XCR1: variants seen among roughly 807,000 people sequenced by gnomAD.
The protein encoded by XCR1 is X-C motif chemokine receptor 1.
For missense variants in XCR1, 356 were observed against 424.2 expected (o/e 0.84, Z 1.41); for synonymous variants, 187 against 188.5 (o/e 0.99, Z 0.06).
chr3:46,050,856 G>A (rs1474425598), intron 5 of XCR1, among the ~76,000 whole-genome samples: 3 of 152,268 alleles, frequency 2.0e-5, no homozygotes, highest in South Asian at 2.1e-4. Flanking sequence ...GCTGTAATGC[G>A]CCCATCGGTT....
rs115575240 is a variant in XCR1, at chr3:46,074,458, T to A, written c.-263+193A>T. Among the ~76,000 whole-genome samples the A allele has an allele frequency of 3.6e-3, 553 of 152,086 alleles. 4 individuals carry two copies. Among genetic ancestry groups the A allele is most frequent in the African/African-American group, 0.012 (509 of 41,494 alleles). ...ATGTGGAGTAATACACACTGGAGACTCAGAAGAACGGGAGGTAGTGGTGGG... is the reference window on the plus strand; with the variant it reads ...ATGTGGAGTAATACACACTGGAGACACAGAAGAACGGGAGGTAGTGGTGGG... On this transcript the variant is annotated intron_variant, in intron 3 of 5. Transcript: ENST00000683768.
At chr3:46,044,784 T>G (rs1156694762) in intron 5 of XCR1, among the ~76,000 whole-genome samples, 2 of 152,092 alleles carry the variant, frequency 1.3e-5, no homozygotes, top group Non-Finnish European at 2.9e-5. Flanking sequence ...AAATACAAAC[T>G]ACCAAAACTC....
intron 5 of XCR1, among the ~76,000 whole-genome samples, chr3:46,037,555 T>A (rs1264038411): frequency 6.6e-6 from 1 of 152,206 alleles, no homozygotes; most frequent in East Asian, 1.9e-4. Context: ...GTATCATAGA[T>A]GGTCTATGTA....
In XCR1 at chr3:46,020,938, C is replaced by T. The variant is rs201819667; in HGVS notation, c.*8G>A. On this transcript the variant is annotated 3_prime_UTR_variant, in exon 2 of 2. Coordinates refer to ENST00000309285, the MANE Select transcript of XCR1 (RefSeq NM_001024644.2). ...ACCTGCACCTGCGCCTGCACCGCCACAGGCCCCTCAGTAGAAGGAGGCGCC... is the reference window on the plus strand; with the variant it reads ...ACCTGCACCTGCGCCTGCACCGCCATAGGCCCCTCAGTAGAAGGAGGCGCC... 1 of 1,609,482 alleles carries T rather than the reference C, an allele frequency of 6.2e-7. No individual in the cohort carries two copies. The highest frequency in any genetic ancestry group is 8.5e-7 in the Non-Finnish European group (1 of 1,177,698).
At chr3:46,023,119 C>A (rs1309822598) in intron 1 of XCR1, among the ~76,000 whole-genome samples, 1 of 152,180 alleles carries the variant, frequency 6.6e-6, no homozygotes, top group Non-Finnish European at 1.5e-5. Context: ...GTCATGGCGC[C>A]GTGCGGGGTC....
intron 1 of XCR1, among the ~76,000 whole-genome samples, chr3:46,080,805 C>T (rs941893432): frequency 3.3e-5 from 5 of 152,220 alleles, no homozygotes; most frequent in Middle Eastern, 3.4e-3. Flanking sequence ...CCAGATGAAA[C>T]GACAGCTTGG....
At chr3:46,035,822 C>T (rs970971129) in intron 5 of XCR1, among the ~76,000 whole-genome samples, 1 of 152,164 alleles carries the variant, frequency 6.6e-6, no homozygotes, top group African/African-American at 2.4e-5. Context: ...TACGGACACT[C>T]TTGGGGGCTT....
intron 1 of XCR1, among the ~76,000 whole-genome samples, chr3:46,080,993 A>T (rs147600090): frequency 9.9e-4 from 150 of 152,280 alleles, no homozygotes; most frequent in African/African-American, 3.5e-3. Context: ...GGTTATAGAT[A>T]TGTTCTGGTG....
intron 1 of XCR1, among the ~76,000 whole-genome samples, chr3:46,083,224 C>A (rs1049596961): frequency 1.3e-5 from 2 of 152,202 alleles, no homozygotes; most frequent in African/African-American, 4.8e-5. Flanking sequence ...CATTTCTGAC[C>A]CATTGATCCA....
At chr3:46,054,100 A>C (rs540468201) in intron 4 of XCR1, among the ~76,000 whole-genome samples, 2 of 152,328 alleles carry the variant, frequency 1.3e-5, no homozygotes, top group Admixed American at 1.3e-4. Flanking sequence ...CGCGGGAATA[A>C]AAGACAAAGA....
In XCR1 at chr3:46,073,500, A is replaced by G. The variant is rs9870657; in HGVS notation, c.-263+1151T>C. ...CTACTTGGGAGGCTGAGGCATGAGA[A>G]TTGCTTGAAGCCTGAGAGCCGGAGG... On this transcript the variant is annotated intron_variant, in intron 3 of 5. Transcript: ENST00000683768. 2.5e-3 allele frequency among the ~76,000 whole-genome samples: 378 copies of G among 152,224 alleles called. 1 individual carries two copies. Among genetic ancestry groups the G allele is most frequent in the African/African-American group, 8.3e-3 (344 of 41,566 alleles).
At chr3:46,068,505 G>A (rs1326693898) in intron 3 of XCR1, among the ~76,000 whole-genome samples, 8 of 152,154 alleles carry the variant, frequency 5.3e-5, no homozygotes, top group Non-Finnish European at 5.9e-5. Context: ...TGATAGAGCA[G>A]TGATGGTGGG....
chr3:46,034,769 G>GA (rs369546512), intron 5 of XCR1, among the ~76,000 whole-genome samples: 17 of 151,924 alleles, frequency 1.1e-4, no homozygotes, highest in African/African-American at 4.1e-4. Context: ...CTTTTTTGAT[G>GA]AAAAAAGCTT....
rs369686892 is a variant in XCR1, at chr3:46,045,357, C to T, written c.-32+8563G>A. On this transcript the variant is annotated intron_variant, in intron 5 of 5. Transcript: ENST00000683768. The stretch of plus-strand genomic sequence containing the variant: ...TCAGGAGGCAGAGGTTGCAGTGAGC[C>T]GAGATCGCGCCAGAGTGAGACTCCA... Among the ~76,000 whole-genome samples, 41 of 151,358 alleles carry T rather than the reference C, an allele frequency of 2.7e-4. 1 individual carries two copies. The highest frequency in any genetic ancestry group is 7.8e-4 in the African/African-American group (32 of 41,202).
intron 5 of XCR1, among the ~76,000 whole-genome samples, chr3:46,035,220 C>T (rs1450936573): frequency 6.6e-5 from 10 of 152,202 alleles, no homozygotes; most frequent in African/African-American, 2.2e-4. Context: ...CCCAAAGTGT[C>T]GGGATTACAG....
chr3:46,021,314 G>C lies in XCR1; in HGVS notation c.634C>G (p.Leu212Val). The C allele has an allele frequency of 6.2e-7, 1 of 1,614,236 alleles. No homozygotes were observed. The highest frequency in any genetic ancestry group is 8.5e-7 in the Non-Finnish European group (1 of 1,180,046). ...CGCCGCTTGGAGCGTGAGCGGAACA[G>C]GGTCCTGAGGATCTCCACGTAGCAG... Reference protein sequence around the residue: ...LFCYVEILRTLFRSRSKRRHR... With the variant: ...LFCYVEILRTVFRSRSKRRHR... Residue 212 changes from leucine (L) to valine (V), a missense_variant, in exon 2 of 2, where the codon CTG becomes GTG. Leu to Val is a conservative substitution (Grantham distance 32, BLOSUM62 1). Transcript: ENST00000309285. This position sits in a 1 kb window ranked among gnomAD's most constrained non-coding sequence, Gnocchi z 4.7.
chr3:46,079,481 T>G (rs1268473393), intron 1 of XCR1, among the ~76,000 whole-genome samples: 1 of 152,098 alleles, frequency 6.6e-6, no homozygotes, highest in Non-Finnish European at 1.5e-5. Context: ...TAAAAAGACT[T>G]TGAAGCCCTC....
At chr3:46,023,598 T>C in intron 1 of XCR1, 1 of 1,385,820 alleles carries the variant, frequency 7.2e-7, no homozygotes, top group Non-Finnish European at 1.0e-6. Flanking sequence ...TTCAGGCATC[T>C]CACAAACTCT....
In XCR1 at chr3:46,025,760, C is replaced by T. The variant is rs113940503; in HGVS notation, c.-32+1657G>A. Among the ~76,000 whole-genome samples, 245 of 152,198 alleles carry T rather than the reference C, an allele frequency of 1.6e-3. 1 individual carries two copies. The highest frequency in any genetic ancestry group is 6.8e-3 in the Middle Eastern group (2 of 294). On this transcript the variant is annotated intron_variant, in intron 1 of 1. Transcript: ENST00000309285. Reference sequence around the variant, plus strand: ...TTAAACATTTGGGGAAGAAATAACACCAGTTTTACACAAACTATAAGAAAT... The same window carrying T: ...TTAAACATTTGGGGAAGAAATAACATCAGTTTTACACAAACTATAAGAAAT...
Sources: gnomAD v4.1 joint callset for allele counts (sites outside exome capture counted in the v4.1 genomes callset) on GRCh38, gnomAD v4.1.1 for gene constraint, Gnocchi (gnomAD v3.1) non-coding constraint, MANE v1.5 for transcripts, NCBI Gene and HGNC (gene_info 2026-07-23, HGNC 2026-07-21) for gene names.